Variants in SBF2 observed in about 807,000 individuals in gnomAD.
SBF2 encodes myotubularin-related protein 13.
SBF2 carries 112 observed loss-of-function variants against 225.2 expected under a neutral mutation model. The observed-to-expected ratio is 0.50, with a 90% CI of 0.43 to 0.58. The LOEUF (loss-of-function observed/expected upper bound fraction) is 0.58, where lower values mean the gene tolerates loss of function less well. Ranked by LOEUF, SBF2 falls within the 20% of genes least tolerant of loss-of-function variation. SBF2 has a pLI of 0.00. For synonymous variants in SBF2, 763 were observed against 773.3 expected (o/e 0.99, Z 0.22); for missense variants, 1,996 against 2,206.2 (o/e 0.90, Z 1.91).
intron 2 of SBF2, among the ~76,000 whole-genome samples, chr11:10,047,442 A>G (rs1021049584): frequency 6.6e-6 from 1 of 152,170 alleles, no homozygotes; most frequent in African/African-American, 2.4e-5. Context: ...AAAACAGAAT[A>G]GAGAGCCCGA....
At chr11:9,796,299 T>A (rs1467526435) in intron 32 of SBF2, among the ~76,000 whole-genome samples, 4 of 152,198 alleles carry the variant, frequency 2.6e-5, no homozygotes, top group Non-Finnish European at 5.9e-5. Flanking sequence ...CAGTAGTTAG[T>A]GAGCCCAAAT....
intron 1 of SBF2, among the ~76,000 whole-genome samples, chr11:10,264,687 A>G (rs1961790649): frequency 6.6e-6 from 1 of 152,068 alleles, no homozygotes; most frequent in Admixed American, 6.5e-5. Context: ...TGCACCTATC[A>G]ACTCGTCACC....
chr11:9,933,930 G>C (rs2134268754), intron 16 of SBF2, among the ~76,000 whole-genome samples: 1 of 152,090 alleles, frequency 6.6e-6, no homozygotes, highest in Non-Finnish European at 1.5e-5. Flanking sequence ...TAATAAAGAA[G>C]AAAAGAGAGA....
intron 38 of SBF2, 36 bp downstream of exon 38, chr11:9,784,315 G>A (rs1852224355): frequency 6.8e-7 from 1 of 1,477,402 alleles, no homozygotes; most frequent in Admixed American, 1.7e-5. Context: ...GACTAGCCTA[G>A]ACAGAAGTAA....
At chr11:10,249,098 CAA>C (rs540667465) in intron 1 of SBF2, among the ~76,000 whole-genome samples, 4 of 122,844 alleles carry the variant, frequency 3.3e-5, no homozygotes, top group Admixed American at 8.3e-5. Flanking sequence ...TCCGTCTCAA[CAA>C]AAAAAAAAAA....
At chr11:9,913,417 T>C (rs1312021506) in intron 16 of SBF2, among the ~76,000 whole-genome samples, 2 of 151,978 alleles carry the variant, frequency 1.3e-5, no homozygotes. Context: ...GGCTGACAAG[T>C]GTTGATAAGG....
chr11:10,006,196 C>T (rs529127026), intron 6 of SBF2, among the ~76,000 whole-genome samples: 6 of 152,224 alleles, frequency 3.9e-5, no homozygotes, highest in Non-Finnish European at 8.8e-5. Context: ...CTTTTGCTTT[C>T]ACTTTGCATG....
chr11:10,126,704 A>G (rs1953772143), intron 2 of SBF2, among the ~76,000 whole-genome samples: 1 of 152,124 alleles, frequency 6.6e-6, no homozygotes, highest in Non-Finnish European at 1.5e-5. Flanking sequence ...AAGAACTGAC[A>G]CCAGAAATTC....
At chr11:9,833,628 G>A (rs1018817834) in intron 26 of SBF2, among the ~76,000 whole-genome samples, 3 of 151,942 alleles carry the variant, frequency 2.0e-5, no homozygotes, top group Non-Finnish European at 2.9e-5. Context: ...CACCGTGTTA[G>A]CCAGGATGGT....
At chr11:10,113,823 T>C (rs547219662) in intron 2 of SBF2, among the ~76,000 whole-genome samples, 1 of 151,684 alleles carries the variant, frequency 6.6e-6, no homozygotes, top group East Asian at 1.9e-4. Context: ...AACTAATGAG[T>C]CAATGTCTTT....
chr11:10,300,809 C>G, intron 1 of SBF2, among the ~76,000 whole-genome samples: 1 of 144,110 alleles, frequency 6.9e-6, no homozygotes, highest in Non-Finnish European at 1.5e-5. Context: ...TTCTCTCTCT[C>G]TCTTTTTTTT....
At chr11:9,792,223 G>A (rs1852795348) in intron 33 of SBF2, among the ~76,000 whole-genome samples, 1 of 152,086 alleles carries the variant, frequency 6.6e-6, no homozygotes. Flanking sequence ...CTTGAGGTCA[G>A]GAGTTTGAGA....
chr11:9,808,281 C>T, intron 31 of SBF2, 96 bp from the exon 32 acceptor site: 1 of 1,063,502 alleles, frequency 9.4e-7, no homozygotes, highest in Non-Finnish European at 1.4e-6. Flanking sequence ...AGCTAATTCA[C>T]AAATTTACCT....
intron 30 of SBF2, chr11:9,811,324 A>G (rs781429873): frequency 6.6e-6 from 1 of 152,228 alleles, no homozygotes; most frequent in Non-Finnish European, 1.5e-5. Flanking sequence ...CTACATATGT[A>G]CCCCTGAACA....
chr11:9,857,483 G>T (rs1037900178), intron 18 of SBF2, among the ~76,000 whole-genome samples: 3 of 152,180 alleles, frequency 2.0e-5, no homozygotes, highest in Non-Finnish European at 4.4e-5. Context: ...AGCCGTTAAG[G>T]CTGCTTTAAG....
intron 16 of SBF2, among the ~76,000 whole-genome samples, chr11:9,903,238 C>A (rs953131593): frequency 6.6e-6 from 1 of 151,920 alleles, no homozygotes; most frequent in East Asian, 1.9e-4. Flanking sequence ...AGGAGAAGGG[C>A]GTGAACCCGG....
chr11:10,159,412 G>A (rs1479774775), intron 2 of SBF2, among the ~76,000 whole-genome samples: 2 of 152,176 alleles, frequency 1.3e-5, no homozygotes, highest in Non-Finnish European at 2.9e-5. Context: ...TAAGATCAGA[G>A]TTTGAGATGT....
At chr11:10,257,121 G>A (rs1464024652) in intron 1 of SBF2, among the ~76,000 whole-genome samples, 1 of 152,152 alleles carries the variant, frequency 6.6e-6, no homozygotes, top group Non-Finnish European at 1.5e-5. Flanking sequence ...TCTTATCCAA[G>A]ATCACATCTA....
chr11:10,233,568 TCTCA>T (rs1325481547), intron 1 of SBF2, among the ~76,000 whole-genome samples: 2 of 148,672 alleles, frequency 1.3e-5, no homozygotes, highest in Non-Finnish European at 3.0e-5. Flanking sequence ...TATCTCTCTC[TCTCA>T]AAGATTCTGT....
Sources: allele counts gnomAD v4.1 joint callset (sites outside exome capture counted in the v4.1 genomes callset), GRCh38; gene constraint gnomAD v4.1.1; transcripts MANE v1.5; gene names NCBI Gene and HGNC (gene_info 2026-07-23, HGNC 2026-07-21).